EHBP1: variants seen among roughly 807,000 people sequenced by gnomAD.
The protein encoded by EHBP1 is EH domain-binding protein 1.
In EHBP1, 55 loss-of-function variants were observed where a neutral mutation model predicts 144.0. That is an observed-to-expected ratio of 0.38 (90% CI 0.31 to 0.48). EHBP1 has a LOEUF of 0.48. EHBP1 is among the 20% of genes least tolerant of loss of function. The pLI is 0.98. For missense variants in EHBP1, 1,200 were observed against 1,364.2 expected (o/e 0.88, Z 1.90); for synonymous variants, 469 against 472.7 (o/e 0.99, Z 0.10).
chr2:62,690,305 T>G (rs1227955463), intron 1 of EHBP1, among the ~76,000 whole-genome samples: 1 of 152,150 alleles, frequency 6.6e-6, no homozygotes, highest in Non-Finnish European at 1.5e-5. Flanking sequence ...GGCTCACGCT[T>G]GTAATCCCTG....
chr2:62,970,108 G>A (rs1470478177), intron 14 of EHBP1, among the ~76,000 whole-genome samples: 3 of 136,274 alleles, frequency 2.2e-5, no homozygotes, highest in East Asian at 2.1e-4. Context: ...TTTTTTTTTC[G>A]GTCCATTCTG....
intron 7 of EHBP1, among the ~76,000 whole-genome samples, chr2:62,835,524 G>T (rs1006432565): frequency 1.3e-5 from 2 of 152,198 alleles, no homozygotes; most frequent in African/African-American, 4.8e-5. Flanking sequence ...CCGGTCTACA[G>T]CTCCCAGCGT....
intron 16 of EHBP1, 134 bp downstream of exon 16, chr2:62,990,974 C>T: frequency 8.8e-7 from 1 of 1,134,034 alleles, no homozygotes; most frequent in East Asian, 2.7e-5. Context: ...GAAATTTTTA[C>T]TGGTGAGGTG....
At position 62,948,551 on chromosome 2, in the gene EHBP1, G is replaced by A. The variant is rs375715770; in HGVS notation, c.1705G>A (p.Ala569Thr). The A allele has an allele frequency of 1.9e-6, 3 of 1,614,118 alleles. No individual in the cohort carries two copies. Among genetic ancestry groups the A allele is most frequent in the East Asian group, 2.2e-5 (1 of 44,860 alleles). The change falls in exon 13 of 23, where the codon GCA (alanine) becomes ACA (threonine). Residue 569 changes from alanine (A) to threonine (T), a missense_variant. Physicochemically the swap from Ala to Thr is moderately conservative, Grantham distance 58 (BLOSUM62 0). Transcript: ENST00000431489. ...TGAACTACAACAGCCTATCAGCGGAGCAGTAGACTTCTTATCACAGGATGA... is the reference window on the plus strand; with the variant it reads ...TGAACTACAACAGCCTATCAGCGGAACAGTAGACTTCTTATCACAGGATGA... ...EPELQQPISG[A>T]VDFLSQDDSV...
At chr2:62,685,872 A>G (rs538890255) in intron 1 of EHBP1, among the ~76,000 whole-genome samples, 4 of 152,318 alleles carry the variant, frequency 2.6e-5, no homozygotes, top group African/African-American at 9.6e-5. Context: ...ATAAAACCAG[A>G]ATCTTCAGCT....
Position 62,864,810 on chromosome 2 carries a change from G to C in EHBP1, c.837G>C (p.Val279=). ...YNNSYNPFKE[V]QTPQYLNPFD... The stretch of plus-strand genomic sequence containing the variant: ...ACAGCTATAATCCCTTTAAAGAGGT[G>C]CAGACTCCACAGTATTTGAACCCAT... The change falls in exon 9 of 23, where the codon GTG becomes GTC. Residue 279 remains valine (V), a synonymous_variant. Coordinates refer to ENST00000431489, the MANE Select transcript of EHBP1 (RefSeq NM_001142616.3). 1 of 1,614,008 alleles carries C rather than the reference G, an allele frequency of 6.2e-7. No individual in the cohort carries two copies. Among genetic ancestry groups the C allele is most frequent in the Non-Finnish European group, 8.5e-7 (1 of 1,179,972 alleles).
At chr2:62,864,688 T>C in intron 8 of EHBP1, 43 bp from the exon 9 acceptor site, 2 of 1,543,280 alleles carry the variant, frequency 1.3e-6, no homozygotes, top group Non-Finnish European at 1.8e-6. Flanking sequence ...GAAAATATCA[T>C]ATGGTATTCA....
intron 10 of EHBP1, among the ~76,000 whole-genome samples, chr2:62,915,603 A>G (rs894400026): frequency 3.3e-5 from 5 of 152,190 alleles, no homozygotes; most frequent in Non-Finnish European, 5.9e-5. Context: ...TCTTTCCTAG[A>G]TACTTTATAG....
chr2:62,780,331 G>T (rs186094950), intron 5 of EHBP1, among the ~76,000 whole-genome samples: 41 of 152,146 alleles, frequency 2.7e-4, no homozygotes, highest in Non-Finnish European at 4.9e-4. Flanking sequence ...ACTTTCTGTT[G>T]TATATGATTA....
chr2:62,945,565 T>C (rs1287383699), intron 12 of EHBP1, among the ~76,000 whole-genome samples: 1 of 152,118 alleles, frequency 6.6e-6, no homozygotes, highest in East Asian at 1.9e-4. Flanking sequence ...GCCTGGGGAA[T>C]GTAGCAAGAC....
At chr2:62,826,438 C>T (rs1558740815) in intron 6 of EHBP1, 170 bp downstream of exon 6, 1 of 523,188 alleles carries the variant, frequency 1.9e-6, no homozygotes, top group Non-Finnish European at 3.2e-6. Context: ...TAAATAGTCT[C>T]TTTTGACTCC....
chr2:62,817,520 G>A (rs36009942), intron 5 of EHBP1, among the ~76,000 whole-genome samples: 25,037 of 152,170 alleles, frequency 0.16, 2,406 homozygotes, highest in Middle Eastern at 0.34. Context: ...AAGGCCTGGT[G>A]ATATAGGGCC....
intron 3 of EHBP1, among the ~76,000 whole-genome samples, chr2:62,750,527 AT>A (rs1174609055): frequency 6.6e-6 from 1 of 152,162 alleles, no homozygotes; most frequent in Non-Finnish European, 1.5e-5. Context: ...GAAGAAAGTC[AT>A]TGGTAGCTTG....
chr2:62,785,483 G>A (rs527978065), intron 5 of EHBP1, among the ~76,000 whole-genome samples: 6 of 152,100 alleles, frequency 3.9e-5, no homozygotes, highest in South Asian at 2.1e-4. Flanking sequence ...GCTAAGGGAG[G>A]TCAGAGAGTG....
intron 9 of EHBP1, among the ~76,000 whole-genome samples, chr2:62,868,659 A>AC: frequency 6.6e-6 from 1 of 151,760 alleles, no homozygotes; most frequent in South Asian, 2.1e-4. Context: ...AGTAATAAGA[A>AC]AGGGGAGGCC....
chr2:63,001,351 C>G (rs1481408052), intron 19 of EHBP1, among the ~76,000 whole-genome samples: 2 of 152,172 alleles, frequency 1.3e-5, no homozygotes, highest in Non-Finnish European at 2.9e-5. Context: ...CGTAGAGTAT[C>G]TGTTCCAAAA....
chr2:63,024,320 GA>G (rs750214252), intron 19 of EHBP1, among the ~76,000 whole-genome samples: 4 of 152,162 alleles, frequency 2.6e-5, no homozygotes, highest in Admixed American at 6.5e-5. Context: ...CTGCCGCCTG[GA>G]TGACAAGAGC....
At chr2:62,742,564 G>A (rs2038814819) in intron 2 of EHBP1, among the ~76,000 whole-genome samples, 1 of 151,966 alleles carries the variant, frequency 6.6e-6, no homozygotes, top group African/African-American at 2.4e-5. Flanking sequence ...TATTGTTTGG[G>A]TCTGGCCAGC....
At chr2:62,936,261 A>G (rs980015631) in intron 10 of EHBP1, among the ~76,000 whole-genome samples, 1 of 152,140 alleles carries the variant, frequency 6.6e-6, no homozygotes, top group Non-Finnish European at 1.5e-5. Context: ...TTTTAATTAC[A>G]AAGTCAGTTT....
Sources: gnomAD v4.1 joint callset for allele counts (sites outside exome capture counted in the v4.1 genomes callset) on GRCh38, gnomAD v4.1.1 for gene constraint, MANE v1.5 for transcripts, NCBI Gene and HGNC (gene_info 2026-07-23, HGNC 2026-07-21) for gene names.